The following SCN1A variants were observed in gnomAD, a reference collection of about 807,000 sequenced individuals.
SCN1A encodes the protein sodium voltage-gated channel alpha subunit 1.
SCN1A carries 13 observed loss-of-function variants against 193.7 expected under a neutral mutation model. That is an observed-to-expected ratio of 0.07 (90% confidence interval 0.04 to 0.11). The LOEUF is 0.11. Ranked by LOEUF, SCN1A falls within the 10% of genes least tolerant of loss-of-function variation. The probability of loss-of-function intolerance (pLI) is 1.00; values close to 1 mark genes in which losing one functional copy is unlikely to be tolerated. For missense variants in SCN1A, 1,432 were observed against 2,451.1 expected (o/e 0.58, Z 8.78); for synonymous variants, 781 against 843.6 (o/e 0.93, Z 1.29).
At chr2:166,140,032 C>A (rs1321609246) in intron 1 of SCN1A, among the ~76,000 whole-genome samples, 1 of 152,002 alleles carries the variant, frequency 6.6e-6, no homozygotes, top group African/African-American at 2.4e-5. Context: ...ACCTTCAAAC[C>A]TCACAACAGT....
Position 166,138,632 on chromosome 2 carries a change from T to C in SCN1A, c.-50+10415A>G, listed in dbSNP as rs113308336. On this transcript the variant is annotated intron_variant, in intron 1 of 26. Coordinates refer to the SCN1A transcript ENST00000635750. ...GAAACGCCTGGATGCCCAGCAAAAG[T>C]TTGCTGCAGGGGTGGGGCCCTCATG... is the stretch of plus-strand genomic sequence containing the variant. Among the ~76,000 whole-genome samples the C allele has an allele frequency of 4.3e-3, 658 of 152,238 alleles. 5 individuals carry two copies. Among genetic ancestry groups the C allele is most frequent in the African/African-American group, 0.015 (637 of 41,566 alleles).
rs1360863220 is a variant in SCN1A, at chr2:165,993,908, A to G, written c.4852+238T>C. Reference sequence around the variant, plus strand: ...TAGTTAATAGCACAGTTCTAGTTCAAATGAATGAGGTTTTACTACATTTAC... The same window carrying G: ...TAGTTAATAGCACAGTTCTAGTTCAGATGAATGAGGTTTTACTACATTTAC... On this transcript the variant is annotated intron_variant, in intron 28 of 28. Coordinates refer to ENST00000674923, the MANE Select transcript of SCN1A (RefSeq NM_001165963.4). The G allele has an allele frequency of 8.8e-6, 5 of 565,950 alleles. No homozygotes were observed. In the Admixed American group the frequency reaches 1.6e-4, roughly 18 times the overall value. 35.1% of individuals were successfully genotyped at this position (565,950 alleles called of 1,614,324 possible). A position where few individuals can be genotyped will look rare whatever the true frequency, so the allele number is the denominator to read the frequency against.
intron 20 of SCN1A, 34 bp downstream of exon 20, chr2:166,015,573 A>G (rs367591519): frequency 3.1e-6 from 5 of 1,611,544 alleles, no homozygotes; most frequent in Admixed American, 1.7e-5. Context: ...CTGCACTCCA[A>G]ATGAAAGATT....
At chr2:166,006,602 T>A (rs1436727373) in intron 23 of SCN1A, among the ~76,000 whole-genome samples, 1 of 151,446 alleles carries the variant, frequency 6.6e-6, no homozygotes, top group Non-Finnish European at 1.5e-5. Flanking sequence ...TTCTAACTTT[T>A]TGTTTACAAC....
chr2:166,079,432 C>G (rs1574399427), intron 2 of SCN1A, among the ~76,000 whole-genome samples: 2 of 146,680 alleles, frequency 1.4e-5, no homozygotes, highest in African/African-American at 5.0e-5. Context: ...CTTATTTGCA[C>G]TTATCTAGTA....
At position 166,082,292 on chromosome 2, in the gene SCN1A, C is replaced by T. The variant is rs540919675; in HGVS notation, c.-141-4491G>A. Among the ~76,000 whole-genome samples, 12 of 152,088 alleles carry T rather than the reference C, an allele frequency of 7.9e-5. No individual in the cohort carries two copies. In the South Asian group the frequency reaches 1.2e-3, roughly 16 times the overall value. On this transcript the variant is annotated intron_variant, in intron 2 of 28. Transcript: ENST00000674923. ...TAAATATGTCATTTGTCCCAGGTTACGCAGCTTATTAATGGTGGGACTTAA... is the reference window on the plus strand; with the variant it reads ...TAAATATGTCATTTGTCCCAGGTTATGCAGCTTATTAATGGTGGGACTTAA...
At position 165,992,700 on chromosome 2, in the gene SCN1A, A is replaced by G. The variant is rs969313089; in HGVS notation, c.4853-278T>C. ...AGTTTATGTAAAGTCCCAAGTCAGA[A>G]TTTAAAAAGAAAATAAGTTAAAAAT... On this transcript the variant is annotated intron_variant, in intron 28 of 28. Transcript: ENST00000674923. This position sits in a 1 kb window ranked among gnomAD's most constrained non-coding sequence, Gnocchi z 6.5. 7 of 172,784 alleles carry G rather than the reference A, an allele frequency of 4.1e-5. No homozygotes were observed. Among genetic ancestry groups the G allele is most frequent in the Non-Finnish European group, 7.1e-5 (6 of 84,238 alleles). The allele number at this position is 172,784 out of a possible 1,614,324, so 10.7% of individuals were successfully genotyped here. A position where few individuals can be genotyped will look rare whatever the true frequency, so the allele number is the denominator to read the frequency against.
intron 2 of SCN1A, among the ~76,000 whole-genome samples, chr2:166,087,907 T>A (rs1400983992): frequency 2.0e-5 from 3 of 152,216 alleles, no homozygotes; most frequent in African/African-American, 7.2e-5. Flanking sequence ...TAGGCTTTAG[T>A]CTTCTTGGAT....
chr2:166,012,616 T>C (rs1415346541), intron 21 of SCN1A, among the ~76,000 whole-genome samples: 12 of 77,924 alleles, frequency 1.5e-4, no homozygotes, highest in African/African-American at 5.2e-4. Flanking sequence ...TATTGGCTTT[T>C]TTTTTTTTTT....
In SCN1A at chr2:165,987,287, A is replaced by G. The variant is rs1657150728; in HGVS notation, c.*3958T>C. The G allele has an allele frequency of 6.6e-6, 1 of 152,122 alleles. No homozygotes were observed. The highest frequency in any genetic ancestry group is 2.4e-5 in the African/African-American group (1 of 41,436). 9.4% of individuals were successfully genotyped at this position (152,122 alleles called of 1,614,324 possible). Reference sequence around the variant, plus strand: ...GTATCAGTTGGTCTCATAATTGATGATATCTTTGAAGGTATTGTCTGCTGT... The same window carrying G: ...GTATCAGTTGGTCTCATAATTGATGGTATCTTTGAAGGTATTGTCTGCTGT... On this transcript the variant is annotated 3_prime_UTR_variant, in exon 29 of 29. Transcript: ENST00000674923.
chr2:166,051,978 G>A lies in SCN1A; in HGVS notation c.705C>T (p.Thr235=). The change falls in exon 9 of 29, where the codon ACC becomes ACT. Residue 235 remains threonine, a synonymous_variant. Transcript: ENST00000674923. ...KTISVIPGLK[T]IVGALIQSVK... ...CAGACTGGATCAGGGCTCCCACAAT[G>A]GTTTTCAGGCCTGAAAGAAAGAAGT... 1 of 1,610,996 alleles carries A rather than the reference G, an allele frequency of 6.2e-7. No homozygotes were observed. The highest frequency in any genetic ancestry group is 2.2e-5 in the East Asian group (1 of 44,822).
chr2:166,042,503 A>G, intron 14 of SCN1A, 79 bp from the exon 15 acceptor site: 1 of 1,352,294 alleles, frequency 7.4e-7, no homozygotes, highest in Non-Finnish European at 1.1e-6. Context: ...TGACACAGTG[A>G]ATTTCATGAA....
intron 2 of SCN1A, among the ~76,000 whole-genome samples, chr2:166,083,860 T>G (rs1685795412): frequency 6.6e-6 from 1 of 152,204 alleles, no homozygotes; most frequent in South Asian, 2.1e-4. Context: ...ATTATTTAAG[T>G]TAACCTCTTT....
At chr2:166,061,425 G>T (rs1683292959) in intron 4 of SCN1A, among the ~76,000 whole-genome samples, 1 of 152,154 alleles carries the variant, frequency 6.6e-6, no homozygotes, top group Non-Finnish European at 1.5e-5. Flanking sequence ...TCGGGGAAAG[G>T]TGGGGACAGA....
At chr2:166,030,224 C>G (rs1265804187) in intron 19 of SCN1A, among the ~76,000 whole-genome samples, 1 of 152,196 alleles carries the variant, frequency 6.6e-6, no homozygotes, top group Non-Finnish European at 1.5e-5. Flanking sequence ...CAACCACTTA[C>G]TGTTTGTGTA....
At chr2:166,020,280 A>G (rs1693870871) in intron 19 of SCN1A, among the ~76,000 whole-genome samples, 1 of 152,144 alleles carries the variant, frequency 6.6e-6, no homozygotes, top group Non-Finnish European at 1.5e-5. Context: ...GCGGAAGAGT[A>G]ATAATTGCTC....
chr2:166,004,320 T>C (rs747006163), intron 23 of SCN1A, among the ~76,000 whole-genome samples: 14 of 151,618 alleles, frequency 9.2e-5, no homozygotes, highest in Non-Finnish European at 1.5e-4. Context: ...CACAGAGTAC[T>C]AATTAAAATA....
intron 19 of SCN1A, among the ~76,000 whole-genome samples, chr2:166,031,362 T>A (rs1164056850): frequency 6.6e-6 from 1 of 152,120 alleles, no homozygotes; most frequent in Non-Finnish European, 1.5e-5. Flanking sequence ...CCTCAGCTCC[T>A]GTGATTTACG....
At chr2:166,068,792 G>A (rs1244851470) in intron 4 of SCN1A, among the ~76,000 whole-genome samples, 1 of 152,118 alleles carries the variant, frequency 6.6e-6, no homozygotes, top group Non-Finnish European at 1.5e-5. Flanking sequence ...ACTTTTAAAT[G>A]ATCCATAGGA....
Sources: gnomAD v4.1 joint callset for allele counts (sites outside exome capture counted in the v4.1 genomes callset) on GRCh38, gnomAD v4.1.1 for gene constraint, Gnocchi (gnomAD v3.1) non-coding constraint, MANE v1.5 for transcripts, NCBI Gene and HGNC (gene_info 2026-07-23, HGNC 2026-07-21) for gene names.